Variants in ARID4B observed in about 807,000 individuals in gnomAD.
ARID4B encodes AT-rich interactive domain-containing protein 4B.
In ARID4B, 26 loss-of-function variants were observed where a neutral mutation model predicts 147.5. The ratio of observed to expected loss-of-function variants is 0.18; its 90% CI spans 0.13 to 0.24. The LOEUF is 0.24. Ranked by LOEUF, ARID4B falls within the 10% of genes least tolerant of loss-of-function variation. The pLI is 1.00. For synonymous variants in ARID4B, 512 were observed against 507.9 expected, an observed-to-expected ratio of 1.01 and a Z score of -0.11; for missense variants, 1,179 against 1,511.5, an observed-to-expected ratio of 0.78 and a Z score of 3.65.
Position 235,324,122 on chromosome 1 carries a change from C to T in ARID4B, c.6+2792G>A, listed in dbSNP as rs114359797. On this transcript the variant is annotated intron_variant, in intron 2 of 23. Coordinates refer to ENST00000264183, the MANE Select transcript of ARID4B (RefSeq NM_016374.6). ...GTTTTACTACGCTGGCCAGGCTGGT[C>T]TCAAACTCCCTTGACCTCAGGTGAT... Among the ~76,000 whole-genome samples the T allele has an allele frequency of 5.0e-3, 763 of 152,006 alleles. 3 individuals are homozygous for T. The highest frequency in any genetic ancestry group is 0.01 in the Middle Eastern group (3 of 292).
At chr1:235,290,771 G>A (rs1238326569) in intron 2 of ARID4B, among the ~76,000 whole-genome samples, 1 of 152,194 alleles carries the variant, frequency 6.6e-6, no homozygotes, top group African/African-American at 2.4e-5. Context: ...ACTGGACTGT[G>A]GTGATGGGTG....
chr1:235,317,433 G>GT (rs1378553026), intron 2 of ARID4B, among the ~76,000 whole-genome samples: 7 of 152,188 alleles, frequency 4.6e-5, no homozygotes, highest in African/African-American at 1.7e-4. Flanking sequence ...TATGCTCAGA[G>GT]TAAGCCAAGT....
chr1:235,255,259 ATAGATATATATCTCTC>A lies in ARID4B; in HGVS notation c.274+385_274+400del, dbSNP rs1262484775. On this transcript the variant is annotated intron_variant, in intron 5 of 23. Transcript: ENST00000264183. ...GATAGATAGATAGATAGATAGATAGATAGATATATATCTCTCTCTCTCTCTCTCTATATATATATAT... is the reference window on the plus strand; with the variant it reads ...GATAGATAGATAGATAGATAGATAGATCTCTCTCTCTCTATATATATATAT... Among the ~76,000 whole-genome samples the A allele has an allele frequency of 5.4e-3, 494 of 91,636 alleles. 3 individuals carry two copies. Among genetic ancestry groups the A allele is most frequent in the African/African-American group, 0.016 (475 of 30,256 alleles). 60.1% of individuals were successfully genotyped at this position (91,636 alleles called of 152,430 possible).
At position 235,257,141 on chromosome 1, in the gene ARID4B, CAATG is replaced by C; in HGVS notation, c.183+15_183+18del. On this transcript the variant is annotated intron_variant, in intron 4 of 23. Transcript: ENST00000264183. ...TTTCCCAAACAACCATTAGAATTAACAATGAATACATGAATTACCTTTAGTGGGC... is the reference window on the plus strand; with the variant it reads ...TTTCCCAAACAACCATTAGAATTAACAATACATGAATTACCTTTAGTGGGC... 2 of 1,561,724 alleles carry C rather than the reference CAATG, an allele frequency of 1.3e-6. No homozygotes were observed. The highest frequency in any genetic ancestry group is 1.8e-6 in the Non-Finnish European group (2 of 1,133,422).
chr1:235,222,883 A>G (rs978524793), intron 13 of ARID4B, among the ~76,000 whole-genome samples: 9 of 151,778 alleles, frequency 5.9e-5, no homozygotes, highest in African/African-American at 1.9e-4. Flanking sequence ...GGGTTTTGCT[A>G]TGTTGGCCAG....
At chr1:235,222,535 C>T (rs989360941) in intron 13 of ARID4B, among the ~76,000 whole-genome samples, 1 of 152,068 alleles carries the variant, frequency 6.6e-6, no homozygotes, top group Non-Finnish European at 1.5e-5. Context: ...GATCCCTGCT[C>T]TTAAGGAGCA....
intron 19 of ARID4B, among the ~76,000 whole-genome samples, chr1:235,185,537 T>C (rs1356624737): frequency 1.3e-5 from 2 of 152,226 alleles, no homozygotes; most frequent in Non-Finnish European, 2.9e-5. Flanking sequence ...CTGCTTTCTT[T>C]TGAGCTAGGT....
intron 13 of ARID4B, 142 bp from the exon 14 acceptor site, chr1:235,221,804 A>G: frequency 2.5e-6 from 1 of 400,866 alleles, no homozygotes; most frequent in Non-Finnish European, 4.4e-6. Flanking sequence ...GATAAATTCT[A>G]AATTTGGTTT....
chr1:235,286,805 C>T (rs1012318473), intron 2 of ARID4B, among the ~76,000 whole-genome samples: 1 of 152,066 alleles, frequency 6.6e-6, no homozygotes, highest in Non-Finnish European at 1.5e-5. Flanking sequence ...AAAACAGATA[C>T]CAATGTACAA....
chr1:235,255,624 A>T (rs984464461), intron 5 of ARID4B, 36 bp downstream of exon 5: 12 of 1,411,260 alleles, frequency 8.5e-6, no homozygotes, highest in Non-Finnish European at 1.2e-5. Flanking sequence ...TTGTGTAACT[A>T]AAAACACATT....
In ARID4B at chr1:235,221,573, A is replaced by C; in HGVS notation, c.1155T>G (p.Ala385=). 4 of 1,586,176 alleles carry C rather than the reference A, an allele frequency of 2.5e-6. No homozygotes were observed. Among genetic ancestry groups the C allele is most frequent in the Non-Finnish European group, 3.4e-6 (4 of 1,161,120 alleles). ...NSAAGYNVKC[A]YKKYLYGFEE... is the part of the protein sequence containing the mutation. ...CAATTATACTAACTTACTTTTTATA[A>C]GCACATTTAACATTGTATCCTGCAG... The change falls in exon 14 of 24, where the codon GCT becomes GCG. Residue 385 remains alanine, a synonymous_variant. Transcript: ENST00000264183.
At chr1:235,188,265 G>C (rs1664832889) in intron 19 of ARID4B, among the ~76,000 whole-genome samples, 1 of 152,172 alleles carries the variant, frequency 6.6e-6, no homozygotes, top group African/African-American at 2.4e-5. Context: ...TTGCAAGTCA[G>C]AAAGCAGATA....
intron 13 of ARID4B, 80 bp from the exon 14 acceptor site, chr1:235,221,742 A>T: frequency 8.3e-6 from 5 of 606,004 alleles, no homozygotes; most frequent in South Asian, 6.2e-5. Flanking sequence ...AGTATATATG[A>T]GTATATTTTT....
intron 13 of ARID4B, among the ~76,000 whole-genome samples, chr1:235,222,527 T>C (rs1667537914): frequency 6.6e-6 from 1 of 152,072 alleles, no homozygotes; most frequent in South Asian, 2.1e-4. Context: ...TTAAGACAGA[T>C]CCCTGCTCTT....
chr1:235,226,520 C>G (rs1283681395), intron 11 of ARID4B, among the ~76,000 whole-genome samples: 2 of 151,280 alleles, frequency 1.3e-5, no homozygotes. Context: ...GCCACCACGC[C>G]CAGCTAATTT....
At position 235,212,574 on chromosome 1, in the gene ARID4B, T is replaced by TGA. The variant is rs913195511; in HGVS notation, c.1841+1194_1841+1195insTC. 2.6e-3 allele frequency among the ~76,000 whole-genome samples: 395 copies of TGA among 152,328 alleles called. 3 individuals are homozygous for TGA. Among genetic ancestry groups the TGA allele is most frequent in the African/African-American group, 9.1e-3 (379 of 41,570 alleles). On this transcript the variant is annotated intron_variant, in intron 17 of 23. Transcript: ENST00000264183. ...TAATCAGATTAGATCATGAGCTTCC[T>TGA]ATTACACAACAGGACAACAAAAAAT...
At chr1:235,293,040 G>A (rs1370372907) in intron 2 of ARID4B, among the ~76,000 whole-genome samples, 1 of 152,082 alleles carries the variant, frequency 6.6e-6, no homozygotes, top group Non-Finnish European at 1.5e-5. Context: ...AAACCTACAG[G>A]GCAGCAAATC....
intron 2 of ARID4B, among the ~76,000 whole-genome samples, chr1:235,281,005 A>G (rs1671636468): frequency 6.6e-6 from 1 of 152,126 alleles, no homozygotes; most frequent in Admixed American, 6.6e-5. Context: ...ATATTAAAAG[A>G]TAACAGAAAA....
rs1164266556 is a variant in ARID4B at position 235,308,562 on chromosome 1, T to C, written c.6+18352A>G. 3.3e-5 allele frequency among the ~76,000 whole-genome samples: 5 copies of C among 150,834 alleles called. No individual in the cohort carries two copies. In the Admixed American group the frequency reaches 3.3e-4, roughly 10 times the overall value. ...CTGTACTGCTGCCATCTCAGCTCAC[T>C]GCAACCTCCCTGCCTGATTCTCCTG... On this transcript the variant is annotated intron_variant, in intron 2 of 23. Transcript: ENST00000264183.
Sources: gnomAD v4.1 joint callset for allele counts (sites outside exome capture counted in the v4.1 genomes callset) on GRCh38, gnomAD v4.1.1 for gene constraint, MANE v1.5 for transcripts, NCBI Gene and HGNC (gene_info 2026-07-23, HGNC 2026-07-21) for gene names.